AKAP7: variants seen among roughly 807,000 people sequenced by gnomAD.
The protein encoded by AKAP7 is A kinase (PRKA) anchor protein 7.
In AKAP7, 39 loss-of-function variants were observed where a neutral mutation model predicts 39.5. The observed-to-expected ratio is 0.99, with a 90% CI of 0.76 to 1.29. The LOEUF is 1.29. Ranked by LOEUF, AKAP7 falls within the 50% of genes most tolerant of loss-of-function variation. The pLI is 0.00. For synonymous variants in AKAP7, 140 were observed against 139.1 expected (o/e 1.01, Z -0.05); for missense variants, 414 against 407.7 (o/e 1.02, Z -0.13).
At chr6:131,226,078 A>G (rs375292133) in intron 7 of AKAP7, among the ~76,000 whole-genome samples, 1 of 152,218 alleles carries the variant, frequency 6.6e-6, no homozygotes, top group African/African-American at 2.4e-5. Flanking sequence ...GCATGGCACT[A>G]CAGTTTCCTG....
chr6:131,279,559 G>A (rs762931771), intron 7 of AKAP7, among the ~76,000 whole-genome samples: 3 of 152,156 alleles, frequency 2.0e-5, no homozygotes, highest in African/African-American at 4.8e-5. Flanking sequence ...GAGCCACCGC[G>A]CCTGGCCAAA....
At chr6:131,251,086 C>T (rs897719568) in intron 7 of AKAP7, among the ~76,000 whole-genome samples, 20 of 152,158 alleles carry the variant, frequency 1.3e-4, no homozygotes, top group Non-Finnish European at 1.2e-4. Context: ...TTTCATGTGT[C>T]CCCTGCTTTG....
intron 6 of AKAP7, among the ~76,000 whole-genome samples, chr6:131,219,071 A>G (rs1809459127): frequency 6.6e-6 from 1 of 152,078 alleles, no homozygotes; most frequent in South Asian, 2.1e-4. Flanking sequence ...GATCAAGACC[A>G]TCCTGGCTAA....
At chr6:131,228,809 A>G (rs1307669361) in intron 7 of AKAP7, among the ~76,000 whole-genome samples, 1 of 152,210 alleles carries the variant, frequency 6.6e-6, no homozygotes, top group Non-Finnish European at 1.5e-5. Flanking sequence ...TAACATTTAC[A>G]TGCAAAAGCA....
chr6:131,148,615 ACT>A (rs764571501), intron 2 of AKAP7, among the ~76,000 whole-genome samples: 8 of 152,140 alleles, frequency 5.3e-5, no homozygotes, highest in Non-Finnish European at 1.0e-4. Context: ...GGGACAACTT[ACT>A]CTCTCAGTTT....
At chr6:131,216,523 G>A (rs766979366) in intron 6 of AKAP7, among the ~76,000 whole-genome samples, 9 of 152,064 alleles carry the variant, frequency 5.9e-5, no homozygotes, top group Non-Finnish European at 1.0e-4. Context: ...CCTGTTTCCC[G>A]GTACATTGTA....
intron 2 of AKAP7, among the ~76,000 whole-genome samples, chr6:131,152,859 T>G (rs1044135304): frequency 6.5e-5 from 9 of 138,852 alleles, no homozygotes; most frequent in South Asian, 2.3e-4. Flanking sequence ...CCGGGCGCGC[T>G]GGCTCACGCC....
chr6:131,143,185 A>G (rs568225550), intron 1 of AKAP7, among the ~76,000 whole-genome samples: 1 of 152,264 alleles, frequency 6.6e-6, no homozygotes, highest in Non-Finnish European at 1.5e-5. Context: ...AGAGATGATT[A>G]TATTTTGCAG....
chr6:131,165,266 A>G (rs369455622), intron 4 of AKAP7, 49 bp downstream of exon 4: 6 of 1,430,964 alleles, frequency 4.2e-6, no homozygotes, highest in Non-Finnish European at 5.8e-6. Context: ...TATTACTTTA[A>G]TATGAGTAAG....
At chr6:131,242,525 T>C (rs1227723950) in intron 7 of AKAP7, among the ~76,000 whole-genome samples, 2 of 150,748 alleles carry the variant, frequency 1.3e-5, no homozygotes, top group Admixed American at 1.3e-4. Context: ...TAATTACTTA[T>C]AGACCCTTTT....
At chr6:131,271,742 C>G (rs1315212193) in intron 7 of AKAP7, among the ~76,000 whole-genome samples, 1 of 152,006 alleles carries the variant, frequency 6.6e-6, no homozygotes. Flanking sequence ...AGTAGAGACA[C>G]ATGAGTCAAA....
intron 5 of AKAP7, among the ~76,000 whole-genome samples, chr6:131,191,752 G>T (rs991706404): frequency 6.6e-6 from 1 of 151,988 alleles, no homozygotes. Context: ...TGGGGTGCTG[G>T]TACTGGACCT....
chr6:131,169,368 AG>A, intron 5 of AKAP7, 95 bp downstream of exon 5: 1 of 1,374,388 alleles, frequency 7.3e-7, no homozygotes, highest in Admixed American at 2.0e-5. Flanking sequence ...AAATTTTAAA[AG>A]ATGATGGACT....
chr6:131,236,005 C>G (rs1178664253), intron 7 of AKAP7, among the ~76,000 whole-genome samples: 1 of 152,122 alleles, frequency 6.6e-6, no homozygotes, highest in East Asian at 1.9e-4. Flanking sequence ...ATGGTATTGC[C>G]TACGTTTTCT....
intron 7 of AKAP7, among the ~76,000 whole-genome samples, chr6:131,251,871 G>C (rs973006977): frequency 3.9e-5 from 6 of 152,362 alleles, no homozygotes; most frequent in African/African-American, 1.2e-4. Context: ...TTATTTGTCA[G>C]AATGATTTAT....
chr6:131,132,108 C>T (rs182010543), upstream of AKAP7, among the ~76,000 whole-genome samples: 786 of 151,972 alleles, frequency 5.2e-3, 4 homozygotes, highest in Non-Finnish European at 9.3e-3. Context: ...GTCAGGAGAT[C>T]GAGACCATCT....
chr6:131,195,421 A>C (rs770631292), intron 5 of AKAP7, among the ~76,000 whole-genome samples: 3 of 151,904 alleles, frequency 2.0e-5, no homozygotes, highest in Non-Finnish European at 4.4e-5. Context: ...TATTATTTTG[A>C]TTGGTTCATT....
upstream of AKAP7, among the ~76,000 whole-genome samples, chr6:131,132,315 A>G (rs78963556): frequency 3.8e-4 from 2 of 5,294 alleles, no homozygotes; most frequent in African/African-American, 6.9e-4. Flanking sequence ...TCCGTCTCAG[A>G]AAAAAAAAAA....
intron 6 of AKAP7, among the ~76,000 whole-genome samples, chr6:131,202,504 G>T (rs371479408): frequency 2.0e-5 from 3 of 150,862 alleles, no homozygotes; most frequent in Non-Finnish European, 4.4e-5. Context: ...GTAAACTATC[G>T]CAAGGACAAA....
Sources: allele counts gnomAD v4.1 joint callset (sites outside exome capture counted in the v4.1 genomes callset), GRCh38; gene constraint gnomAD v4.1.1; transcripts MANE v1.5; gene names NCBI Gene and HGNC (gene_info 2026-07-23, HGNC 2026-07-21).